Variants in CENPE observed in about 807,000 individuals in gnomAD.
The protein encoded by CENPE is centromere-associated protein E.
Under a neutral mutation model 336.1 loss-of-function variants are expected in CENPE, and 145 were observed. That is an observed-to-expected ratio of 0.43 (90% CI 0.38 to 0.50). CENPE has a LOEUF of 0.50. Ranked by LOEUF, CENPE falls within the 20% of genes least tolerant of loss-of-function variation. CENPE has a pLI of 0.00. For synonymous variants in CENPE, 1,013 were observed against 984.8 expected (o/e 1.03, Z -0.54); for missense variants, 2,719 against 3,023.3 (o/e 0.90, Z 2.36).
intron 15 of CENPE, 120 bp downstream of exon 15, chr4:103,175,840 A>C (rs1283261343): frequency 8.5e-6 from 5 of 591,002 alleles, no homozygotes; most frequent in Non-Finnish European, 1.4e-5. Context: ...GTAAAGAGAA[A>C]AGCCTTCATT....
chr4:103,184,068 C>CA (rs1029751009), intron 9 of CENPE, among the ~76,000 whole-genome samples: 10 of 151,980 alleles, frequency 6.6e-5, no homozygotes, highest in African/African-American at 2.4e-4. Context: ...ACTGCCTATA[C>CA]AAAAAAAATT....
intron 24 of CENPE, among the ~76,000 whole-genome samples, chr4:103,158,003 C>T (rs1754099530): frequency 6.6e-6 from 1 of 151,814 alleles, no homozygotes; most frequent in African/African-American, 2.4e-5. Flanking sequence ...ATCCCCTCTG[C>T]AATGGACTGA....
chr4:103,140,210 A>T (rs1234364031), intron 37 of CENPE, 46 bp downstream of exon 37: 1 of 1,532,824 alleles, frequency 6.5e-7, no homozygotes, highest in Non-Finnish European at 8.8e-7. Context: ...TCCACAAATA[A>T]TTTTGGGCAC....
At chr4:103,146,877 G>C (rs1427530119) in intron 29 of CENPE, among the ~76,000 whole-genome samples, 2 of 152,158 alleles carry the variant, frequency 1.3e-5, no homozygotes, top group East Asian at 3.9e-4. Flanking sequence ...GCAGTGTGGA[G>C]AGAAAAGCAG....
intron 16 of CENPE, 79 bp from the exon 17 acceptor site, chr4:103,163,632 G>GAAAAA (rs1251368509): frequency 1.7e-6 from 1 of 599,082 alleles, no homozygotes; most frequent in East Asian, 3.3e-5. Flanking sequence ...AAAAGAAAAA[G>GAAAAA]AAAAAAAAGG....
intron 8 of CENPE, among the ~76,000 whole-genome samples, chr4:103,191,057 C>T (rs539619433): frequency 1.4e-4 from 21 of 152,192 alleles, no homozygotes; most frequent in South Asian, 1.0e-3. Flanking sequence ...TGCTCATCAT[C>T]ACTGGCCATC....
chr4:103,124,657 T>C (rs11730765), intron 42 of CENPE, among the ~76,000 whole-genome samples: 27,414 of 152,124 alleles, frequency 0.18, 2,573 homozygotes, highest in Middle Eastern at 0.31. Flanking sequence ...CTCTTTTATA[T>C]TGAAGGCTAA....
rs571233790 is a variant in CENPE, at chr4:103,143,345, G to A, written c.5207C>T (p.Thr1736Ile). The A allele has an allele frequency of 1.9e-6, 3 of 1,607,250 alleles. No individual in the cohort carries two copies. The East Asian group carries it at 6.7e-5, about 36-fold the overall frequency. ...AACAATCCCTCTTAGTTTATCAATA[G>A]TTTCTTGGTGCTCCTTCAGATGCAT... is the stretch of plus-strand genomic sequence containing the variant. ...VHMHLKEHQETIDKLRGIVSE... is the reference protein window; with the variant it reads ...VHMHLKEHQEIIDKLRGIVSE... The change falls in exon 34 of 49, where the codon ACT becomes ATT. Residue 1736 changes from threonine (T) to isoleucine (I), a missense_variant. Around this residue, in one of 5 missense-constraint regions of CENPE, gnomAD observed 2,437 missense variants for 2,513.3 expected, o/e 0.97. Coordinates refer to ENST00000265148, the MANE Select transcript of CENPE (RefSeq NM_001813.3).
At chr4:103,187,806 T>C (rs1244031727) in intron 8 of CENPE, among the ~76,000 whole-genome samples, 1 of 152,142 alleles carries the variant, frequency 6.6e-6, no homozygotes, top group Non-Finnish European at 1.5e-5. Context: ...CAATATTAAC[T>C]TTAAATGTAA....
In CENPE at chr4:103,133,716, C is replaced by G; in HGVS notation, c.6699G>C (p.Gln2233His). The change falls in exon 41 of 49, where the codon CAG becomes CAC. Residue 2233 changes from glutamine to histidine, a missense_variant. By Grantham distance (24) the Gln-to-His change is conservative. This residue lies in a region of CENPE where 2,437 missense variants were observed against 2,513.3 expected (regional missense o/e 0.97). Transcript: ENST00000265148. Reference sequence around the variant, plus strand: ...ATACCTCAATATGTAGATCCATATTCTGGTTCAATTTGAGATCCCTTAATT... The same window carrying G: ...ATACCTCAATATGTAGATCCATATTGTGGTTCAATTTGAGATCCCTTAATT... ...SRELRDLKLN[Q>H]NMDLHIEEIL... 1 of 1,601,624 alleles carries G rather than the reference C, an allele frequency of 6.2e-7. No individual in the cohort carries two copies. Among genetic ancestry groups the G allele is most frequent in the South Asian group, 1.1e-5 (1 of 88,998 alleles).
chr4:103,153,054 A>G lies in CENPE; in HGVS notation c.3230T>C (p.Ile1077Thr). 6.2e-7 allele frequency: 1 copy of G among 1,608,446 alleles called. No homozygotes were observed. The highest frequency in any genetic ancestry group is 1.3e-5 in the African/African-American group (1 of 74,748). ...TACAGTGCTAAATCCTACCATTTCA[A>G]TATTTTCCTTTAGGTCAGTCTTCAA... ...EQLKTDLKEN[I>T]EMTIENQEEL... is the part of the protein sequence containing the mutation. Residue 1077 changes from isoleucine (I) to threonine (T), a missense_variant, in exon 25 of 49, where the codon ATT (isoleucine) becomes ACT (threonine). Transcript: ENST00000265148.
rs1443942684 is a variant in CENPE, at chr4:103,132,812, T to C, written c.6805A>G (p.Thr2269Ala). ...TTTAACCACTCTTCCAAAAACTGTG[T>C]CATTTCTTTCCTATTACTTAGTACT... ...QQVLSNRKEM[T>A]QFLEEWLNTR... Residue 2269 changes from threonine (T) to alanine (A), a missense_variant, in exon 42 of 49, where the codon ACA becomes GCA. Transcript: ENST00000265148. 6.3e-7 allele frequency: 1 copy of C among 1,583,288 alleles called. No individual in the cohort carries two copies. The highest frequency in any genetic ancestry group is 2.3e-5 in the East Asian group (1 of 44,052).
At chr4:103,184,951 C>A (rs937067654) in intron 9 of CENPE, among the ~76,000 whole-genome samples, 2 of 151,970 alleles carry the variant, frequency 1.3e-5, no homozygotes, top group African/African-American at 4.8e-5. Context: ...GAATCTTTTC[C>A]ATTTAAGTAT....
At chr4:103,113,232 G>GTGTA (rs1749732315) in intron 46 of CENPE, among the ~76,000 whole-genome samples, 2 of 138,052 alleles carry the variant, frequency 1.4e-5, no homozygotes, top group African/African-American at 5.2e-5. Flanking sequence ...AAGTATATGT[G>GTGTA]TATATATACT....
chr4:103,190,946 A>G (rs1757255843), intron 8 of CENPE, among the ~76,000 whole-genome samples: 3 of 142,984 alleles, frequency 2.1e-5, no homozygotes, highest in South Asian at 2.1e-4. Flanking sequence ...ACAAATTTAG[A>G]AAAAAAAAAA....
At chr4:103,181,773 A>C (rs1756343884) in intron 11 of CENPE, 1 of 189,818 alleles carries the variant, frequency 5.3e-6, no homozygotes, top group South Asian at 1.0e-4. Flanking sequence ...AGCCAAAAAT[A>C]TCTCTCCTTC....
intron 24 of CENPE, among the ~76,000 whole-genome samples, chr4:103,155,059 A>G (rs941303698): frequency 1.3e-5 from 2 of 152,096 alleles, no homozygotes; most frequent in African/African-American, 2.4e-5. Flanking sequence ...AGACTTTAGG[A>G]TCCCTGGTGA....
chr4:103,198,267 C>A lies in CENPE; in HGVS notation c.53G>T (p.Ser18Ile), dbSNP rs1355787155. The stretch of plus-strand genomic sequence containing the variant: ...GGCCGTGGTGTGGCCCCCCTACCTG[C>A]TGTTCAGCGGCCGCACTCGCACGCA... Reference protein sequence around the residue: ...AVCVRVRPLNSREESLGETAQ... With the variant: ...AVCVRVRPLNIREESLGETAQ... The change falls in exon 1 of 49, where the codon AGC becomes ATC. Residue 18 changes from serine to isoleucine, a missense_variant. Transcript: ENST00000265148. The A allele has an allele frequency of 7.7e-6, 12 of 1,550,562 alleles. No individual in the cohort carries two copies. The highest frequency in any genetic ancestry group is 9.6e-6 in the Non-Finnish European group (11 of 1,146,828).
At chr4:103,179,803 T>A (rs762341964) in intron 13 of CENPE, among the ~76,000 whole-genome samples, 1 of 152,168 alleles carries the variant, frequency 6.6e-6, no homozygotes, top group Non-Finnish European at 1.5e-5. Context: ...CTCTTATCCA[T>A]GACACCCTCA....
Sources: allele counts gnomAD v4.1 joint callset (sites outside exome capture counted in the v4.1 genomes callset), GRCh38; gene constraint gnomAD v4.1.1; regional missense constraint gnomAD v4.1.1; transcripts MANE v1.5; gene names NCBI Gene and HGNC (gene_info 2026-07-23, HGNC 2026-07-21).